Variants in GPHN observed in about 807,000 individuals in gnomAD.
GPHN encodes the protein gephyrin.
Under a neutral mutation model 95.5 loss-of-function variants are expected in GPHN, and 17 were observed. That is an observed-to-expected ratio of 0.18 (90% CI 0.12 to 0.27). The LOEUF is 0.27. GPHN is among the 10% of genes least tolerant of loss of function. The pLI, the probability that GPHN is intolerant of heterozygous loss-of-function variation, is 1.00. For synonymous variants in GPHN, 320 were observed against 322.5 expected, an observed-to-expected ratio of 0.99 and a Z score of 0.08; for missense variants, 660 against 978.1, an observed-to-expected ratio of 0.67 and a Z score of 4.34.
At chr14:66,627,692 GA>G (rs1450537884) in intron 1 of GPHN, among the ~76,000 whole-genome samples, 2 of 152,154 alleles carry the variant, frequency 1.3e-5, no homozygotes, top group South Asian at 2.1e-4. Context: ...GTTTCACAAA[GA>G]CTTGATATTG....
intron 1 of GPHN, among the ~76,000 whole-genome samples, chr14:66,622,310 A>G (rs1012183718): frequency 4.6e-5 from 7 of 152,048 alleles, no homozygotes; most frequent in African/African-American, 9.7e-5. Flanking sequence ...TGCACACACC[A>G]TGGGGACCCT....
the GPHN span, chr14:67,208,514 C>CTT: frequency 6.6e-7 from 1 of 1,507,668 alleles, no homozygotes; most frequent in Non-Finnish European, 8.9e-7. Context: ...GAAATATGTG[C>CTT]TTTAGTCTCT....
chr14:66,710,792 T>A (rs377515412), intron 2 of GPHN, among the ~76,000 whole-genome samples: 29 of 152,292 alleles, frequency 1.9e-4, no homozygotes, highest in African/African-American at 6.5e-4. Context: ...TCTACATCTG[T>A]AAACTTGGGA....
the GPHN span, among the ~76,000 whole-genome samples, chr14:67,597,516 T>G: frequency 6.6e-6 from 1 of 150,526 alleles, no homozygotes; most frequent in Non-Finnish European, 1.5e-5. Flanking sequence ...AAAAAAAAAG[T>G]TTGCTTATCT....
intron 16 of GPHN, among the ~76,000 whole-genome samples, chr14:67,120,384 C>A (rs2078954157): frequency 6.6e-6 from 1 of 152,120 alleles, no homozygotes; most frequent in South Asian, 2.1e-4. Flanking sequence ...CCATTTAATT[C>A]TGTATTGTTT....
the GPHN span, among the ~76,000 whole-genome samples, chr14:67,410,811 C>T: frequency 6.6e-6 from 1 of 152,182 alleles, no homozygotes; most frequent in Non-Finnish European, 1.5e-5. Context: ...TGTCTCTTTG[C>T]TATGCCATCA....
chr14:67,098,379 C>G (rs1030759919), intron 12 of GPHN, among the ~76,000 whole-genome samples: 2 of 152,020 alleles, frequency 1.3e-5, no homozygotes, highest in East Asian at 1.9e-4. Context: ...TTTTTACCAA[C>G]AAGAAAACTG....
At chr14:67,281,100 T>C in the GPHN span, among the ~76,000 whole-genome samples, 12 of 151,960 alleles carry the variant, frequency 7.9e-5, no homozygotes, top group African/African-American at 2.9e-4. Flanking sequence ...GGTTTCACCA[T>C]GTTGGTCAGG....
At chr14:67,518,938 A>G in the GPHN span, among the ~76,000 whole-genome samples, 1 of 152,212 alleles carries the variant, frequency 6.6e-6, no homozygotes, top group African/African-American at 2.4e-5. Flanking sequence ...TGCAGATGCT[A>G]TGATAAGAAA....
intron 9 of GPHN, among the ~76,000 whole-genome samples, chr14:66,986,777 A>G (rs1004057366): frequency 1.3e-5 from 2 of 152,176 alleles, no homozygotes; most frequent in East Asian, 3.8e-4. Flanking sequence ...CTAATATTCA[A>G]TCATTTCAAA....
chr14:67,502,300 C>G, the GPHN span, among the ~76,000 whole-genome samples: 9 of 150,970 alleles, frequency 6.0e-5, no homozygotes, highest in Non-Finnish European at 1.3e-4. Flanking sequence ...CATTGTACTC[C>G]AGCCTGGGCA....
At chr14:67,656,638 CA>C in the GPHN span, 1 of 1,545,136 alleles carries the variant, frequency 6.5e-7, no homozygotes, top group South Asian at 1.3e-5. Context: ...ATTATAAATT[CA>C]TTGCCAGCAT....
At chr14:67,093,931 C>A (rs2077240434) in intron 12 of GPHN, among the ~76,000 whole-genome samples, 1 of 152,084 alleles carries the variant, frequency 6.6e-6, no homozygotes, top group Non-Finnish European at 1.5e-5. Context: ...CAGTCTCAGA[C>A]AGTGTAGTTC....
rs566586256 is a variant in GPHN at position 67,088,875 on chromosome 14, C to T, written c.1145-108C>T. Reference sequence around the variant, plus strand: ...ACAGAAATCAGGAGTTCTGACTGAGCCCATTTACAAGCTGTGTCAGACAAG... The same window carrying T: ...ACAGAAATCAGGAGTTCTGACTGAGTCCATTTACAAGCTGTGTCAGACAAG... On this transcript the variant is annotated intron_variant, in intron 11 of 22. Transcript: ENST00000478722. 5 of 723,462 alleles carry T rather than the reference C, an allele frequency of 6.9e-6. No individual in the cohort carries two copies. In the South Asian group the frequency reaches 7.3e-5, roughly 11 times the overall value. 44.8% of individuals were successfully genotyped at this position (723,462 alleles called of 1,614,324 possible). A position where few individuals can be genotyped will look rare whatever the true frequency, so the allele number is the denominator to read the frequency against.
chr14:67,140,911 G>A (rs2080416453), intron 17 of GPHN, among the ~76,000 whole-genome samples: 1 of 151,782 alleles, frequency 6.6e-6, no homozygotes, highest in South Asian at 2.1e-4. Flanking sequence ...AATACGTTAA[G>A]TACAACATTA....
At chr14:67,669,358 C>T in the GPHN span, among the ~76,000 whole-genome samples, 3 of 150,304 alleles carry the variant, frequency 2.0e-5, no homozygotes, top group Non-Finnish European at 4.4e-5. Context: ...AAACTTCAAA[C>T]TGCTAGACTC....
intron 4 of GPHN, among the ~76,000 whole-genome samples, chr14:66,851,445 T>C (rs1043441849): frequency 6.6e-6 from 1 of 152,168 alleles, no homozygotes; most frequent in South Asian, 2.1e-4. Flanking sequence ...AACCATATAA[T>C]ATGTAATCTT....
At chr14:67,240,512 G>A in the GPHN span, among the ~76,000 whole-genome samples, 1 of 152,190 alleles carries the variant, frequency 6.6e-6, no homozygotes, top group Non-Finnish European at 1.5e-5. Flanking sequence ...TAGAAGGAGA[G>A]GTCGATTAAC....
the GPHN span, chr14:67,473,319 G>A: frequency 6.7e-7 from 1 of 1,495,800 alleles, no homozygotes; most frequent in African/African-American, 1.4e-5. The surrounding 1 kb of genome is among the most constrained non-coding windows in gnomAD (Gnocchi z 6.5). Context: ...AGGCTTGGCC[G>A]GAGCAGGGCT....
Sources: gnomAD v4.1 joint callset for allele counts (sites outside exome capture counted in the v4.1 genomes callset) on GRCh38, gnomAD v4.1.1 for gene constraint, Gnocchi (gnomAD v3.1) non-coding constraint, MANE v1.5 for transcripts, NCBI Gene and HGNC (gene_info 2026-07-23, HGNC 2026-07-21) for gene names.